Variants in PUDP observed in about 807,000 individuals in gnomAD.
PUDP encodes pseudouridine 5'-phosphatase, also known as pseudouridine-5'-phosphatase.
PUDP carries 8 observed loss-of-function variants against 9.4 expected under a neutral mutation model. The observed-to-expected ratio is 0.85, with a 90% CI of 0.50 to 1.53. The LOEUF (loss-of-function observed/expected upper bound fraction) is 1.53. PUDP is among the 40% of genes most tolerant of loss of function. The probability of loss-of-function intolerance (pLI) is 0.00; values close to 1 mark genes in which losing one functional copy is unlikely to be tolerated. For missense variants in PUDP, 188 were observed against 189.7 expected, an observed-to-expected ratio of 0.99 and a Z score of 0.05; for synonymous variants, 99 against 80.7, an observed-to-expected ratio of 1.23 and a Z score of -1.22.
At chrX:7,107,177 G>A (rs928637844) in intron 1 of PUDP, among the ~76,000 whole-genome samples, 1 of 112,582 alleles carries the variant, frequency 8.9e-6, no homozygotes, top group Non-Finnish European at 1.9e-5. Flanking sequence ...CCCACAGGGT[G>A]TGGAGCAGCA....
At chrX:6,733,141 A>T (rs909876228) in intron 3 of PUDP, among the ~76,000 whole-genome samples, 1 of 112,340 alleles carries the variant, frequency 8.9e-6, no homozygotes, top group Non-Finnish European at 1.9e-5. Context: ...CTTGTCTTCT[A>T]CAGGGAAAAG....
Position 7,105,845 on chromosome X carries a change from G to GA in PUDP, c.62-8dup, listed in dbSNP as rs746181851. 3,491 of 987,581 alleles carry GA rather than the reference G, an allele frequency of 3.5e-3. No homozygotes were observed. Among genetic ancestry groups the GA allele is most frequent in the Admixed American group, 4.1e-3 (135 of 32,748 alleles). 81.4% of individuals were successfully genotyped at this position (987,581 alleles called of 1,213,427 possible). On this transcript the variant is annotated splice_polypyrimidine_tract_variant and splice_region_variant and intron_variant, in intron 1 of 3. Coordinates refer to ENST00000381077, the MANE Select transcript of PUDP (RefSeq NM_012080.5). Reference sequence around the variant, plus strand: ...GAATACAGCCGTTCAGTATCTGCAGGAAAAAAAAAAGAGATTTTTAGAGTG... The same window carrying GA: ...GAATACAGCCGTTCAGTATCTGCAGGAAAAAAAAAAAGAGATTTTTAGAGTG...
chrX:7,125,899 C>T (rs1246292962), intron 1 of PUDP, among the ~76,000 whole-genome samples: 1 of 110,810 alleles, frequency 9.0e-6, no homozygotes, highest in Admixed American at 9.6e-5. Context: ...TCCCACAATA[C>T]ACAGGAATTG....
intron 1 of PUDP, among the ~76,000 whole-genome samples, chrX:7,109,143 C>T (rs1931967522): frequency 8.9e-6 from 1 of 112,069 alleles, no homozygotes; most frequent in Non-Finnish European, 1.9e-5. Flanking sequence ...TCCTCAACAG[C>T]TGAGTGGTGA....
intron 1 of PUDP, among the ~76,000 whole-genome samples, chrX:6,994,510 G>A (rs1929225928): frequency 8.9e-6 from 1 of 112,320 alleles, no homozygotes; most frequent in South Asian, 3.7e-4. Flanking sequence ...AAGTTGAACA[G>A]TGTGAAGGGG....
At chrX:6,835,824 T>C (rs1926572208) in intron 3 of PUDP, among the ~76,000 whole-genome samples, 1 of 110,851 alleles carries the variant, frequency 9.0e-6, no homozygotes, top group Non-Finnish European at 1.9e-5. Context: ...GTGATTCTCC[T>C]GCCTCAGCCT....
intron 3 of PUDP, among the ~76,000 whole-genome samples, chrX:6,883,969 T>C (rs1927386373): frequency 9.0e-6 from 1 of 111,143 alleles, no homozygotes; most frequent in African/African-American, 3.3e-5. Flanking sequence ...GCCTCCCAAG[T>C]AGCTGGGACT....
At chrX:6,819,613 T>G (rs148023923) in intron 3 of PUDP, among the ~76,000 whole-genome samples, 101 of 112,832 alleles carry the variant, frequency 9.0e-4, no homozygotes, top group African/African-American at 3.1e-3. Flanking sequence ...AAACACGTCT[T>G]CATGGATCCA....
intron 3 of PUDP, among the ~76,000 whole-genome samples, chrX:6,875,881 G>A (rs1163006746): frequency 1.8e-5 from 2 of 112,185 alleles, no homozygotes; most frequent in Admixed American, 9.4e-5. Flanking sequence ...TACTCCACAT[G>A]TAGGCTTATT....
At chrX:6,748,364 T>C (rs1238758173) in intron 3 of PUDP, among the ~76,000 whole-genome samples, 1 of 112,261 alleles carries the variant, frequency 8.9e-6, no homozygotes, top group African/African-American at 3.2e-5. Flanking sequence ...GTCACATTAC[T>C]GTTGATGAAA....
intron 3 of PUDP, among the ~76,000 whole-genome samples, chrX:6,851,897 A>G (rs1926832214): frequency 9.0e-6 from 1 of 111,662 alleles, no homozygotes; most frequent in Non-Finnish European, 1.9e-5. Flanking sequence ...ATCCCCAGAA[A>G]CCTTTTCCAA....
intron 3 of PUDP, among the ~76,000 whole-genome samples, chrX:6,935,074 C>T (rs1176540980): frequency 2.2e-5 from 2 of 90,648 alleles, no homozygotes; most frequent in East Asian, 3.6e-4. Context: ...GACAAATCAA[C>T]GAGACAGAAA....
intron 3 of PUDP, among the ~76,000 whole-genome samples, chrX:6,859,057 T>C (rs1236197140): frequency 3.6e-5 from 4 of 111,530 alleles, no homozygotes; most frequent in Admixed American, 9.5e-5. Context: ...GGAGATCTGA[T>C]GGTTTTATAA....
chrX:7,018,290 T>C (rs947421436), intron 1 of PUDP, among the ~76,000 whole-genome samples: 1 of 111,914 alleles, frequency 8.9e-6, no homozygotes, highest in Non-Finnish European at 1.9e-5. Flanking sequence ...GGTCTGGATC[T>C]GGACCCCTTT....
intron 3 of PUDP, among the ~76,000 whole-genome samples, chrX:6,924,111 C>A (rs1350161529): frequency 9.0e-6 from 1 of 111,295 alleles, no homozygotes. Context: ...AATGTCAACC[C>A]CAGCCCTGAC....
chrX:7,027,078 G>A (rs1602719911), intron 1 of PUDP, among the ~76,000 whole-genome samples: 2 of 111,541 alleles, frequency 1.8e-5, no homozygotes, highest in Non-Finnish European at 3.8e-5. Flanking sequence ...ACCTCTCATT[G>A]CATTCCCTCA....
rs767244948 is a variant in PUDP, at chrX:6,865,788, T to TA, written c.*247+111344dup. Among the ~76,000 whole-genome samples the TA allele has an allele frequency of 1.3e-3, 139 of 106,672 alleles. 1 individual carries two copies. In the East Asian group the frequency reaches 0.022, roughly 17 times the overall value. The allele number at this position is 106,672 out of a possible 115,157, so 92.6% of individuals were successfully genotyped here. ...TCTAAGCATGCTGAGCTGATTAAGC[T>TA]AAAAAAAAAACAGATTTTATTTTTC... is the stretch of plus-strand genomic sequence containing the variant. On this transcript the variant is annotated intron_variant and NMD_transcript_variant, in intron 3 of 3. Transcript: ENST00000655425.
At chrX:6,714,731 T>C (rs1164844595) in intron 1 of PUDP, among the ~76,000 whole-genome samples, 1 of 111,262 alleles carries the variant, frequency 9.0e-6, no homozygotes, top group Non-Finnish European at 1.9e-5. Flanking sequence ...TAGATAGATA[T>C]AGGTAGAGAT....
intron 1 of PUDP, among the ~76,000 whole-genome samples, chrX:7,041,703 G>A (rs1929923536): frequency 8.9e-6 from 1 of 111,735 alleles, no homozygotes; most frequent in Non-Finnish European, 1.9e-5. Context: ...TGGCTTTCCT[G>A]ATTGGAAAAA....
Sources: allele counts gnomAD v4.1 joint callset (sites outside exome capture counted in the v4.1 genomes callset), GRCh38; gene constraint gnomAD v4.1.1; transcripts MANE v1.5; gene names NCBI Gene and HGNC (gene_info 2026-07-23, HGNC 2026-07-21).